The following SLC35F1 variants were observed in gnomAD, a reference collection of about 807,000 sequenced individuals.
The protein encoded by SLC35F1 is solute carrier family 35 member F1, also known as chromosome 6 open reading frame 169.
SLC35F1 carries 14 observed loss-of-function variants against 48.7 expected under a neutral mutation model. The ratio of observed to expected loss-of-function variants is 0.29; its 90% CI spans 0.19 to 0.45. The LOEUF is 0.45. Ranked by LOEUF, SLC35F1 falls within the 20% of genes least tolerant of loss-of-function variation. SLC35F1 has a pLI of 1.00. For missense variants in SLC35F1, 404 were observed against 500.0 expected (o/e 0.81, Z 1.83); for synonymous variants, 190 against 202.2 (o/e 0.94, Z 0.51).
chr6:118,302,092 C>T (rs1776259770), intron 7 of SLC35F1, among the ~76,000 whole-genome samples: 1 of 151,994 alleles, frequency 6.6e-6, no homozygotes, highest in Non-Finnish European at 1.5e-5. Flanking sequence ...TTCTTGGTGG[C>T]ATCTAACGCC....
intron 1 of SLC35F1, among the ~76,000 whole-genome samples, chr6:117,973,489 A>G (rs906904677): frequency 6.6e-6 from 1 of 152,184 alleles, no homozygotes; most frequent in Admixed American, 6.5e-5. Flanking sequence ...TGATGATGAT[A>G]TGCTTTCTGG....
chr6:117,957,001 C>T (rs994404938), intron 1 of SLC35F1, among the ~76,000 whole-genome samples: 1 of 152,124 alleles, frequency 6.6e-6, no homozygotes, highest in Non-Finnish European at 1.5e-5. Flanking sequence ...TCTAAGCCTG[C>T]GGTGATGACT....
At chr6:118,014,224 C>T (rs1777289948) in intron 1 of SLC35F1, among the ~76,000 whole-genome samples, 1 of 152,160 alleles carries the variant, frequency 6.6e-6, no homozygotes, top group African/African-American at 2.4e-5. Flanking sequence ...ACATAGTGAA[C>T]ACTTAGTACA....
rs1171538545 is a variant in SLC35F1 at position 118,275,596 on chromosome 6, T to G, written c.775T>G (p.Phe259Val). 4 of 1,613,184 alleles carry G rather than the reference T, an allele frequency of 2.5e-6. No homozygotes were observed. Among genetic ancestry groups the G allele is most frequent in the Non-Finnish European group, 3.4e-6 (4 of 1,179,426 alleles). ...FLGMIGLFGAFFSGIQLAIME... is the reference protein window; with the variant it reads ...FLGMIGLFGAVFSGIQLAIME... ...GGGAATGATTGGTCTCTTTGGAGCATTTTTCAGTGGAATTCAATTGTGAGT... is the reference window on the plus strand; with the variant it reads ...GGGAATGATTGGTCTCTTTGGAGCAGTTTTCAGTGGAATTCAATTGTGAGT... The change falls in exon 5 of 8, where the codon TTT becomes GTT. Residue 259 changes from phenylalanine (F) to valine (V), a missense_variant. By Grantham distance (50) the Phe-to-Val change is conservative. Coordinates refer to ENST00000360388, the MANE Select transcript of SLC35F1 (RefSeq NM_001029858.4).
chr6:118,042,936 A>C (rs1772247307), intron 1 of SLC35F1, among the ~76,000 whole-genome samples: 1 of 152,130 alleles, frequency 6.6e-6, no homozygotes, highest in Non-Finnish European at 1.5e-5. Flanking sequence ...AAGGAAAGAA[A>C]ATTAGTTCCA....
intron 7 of SLC35F1, among the ~76,000 whole-genome samples, chr6:118,303,482 A>C (rs1776277627): frequency 6.6e-6 from 1 of 152,214 alleles, no homozygotes; most frequent in African/African-American, 2.4e-5. Flanking sequence ...TGTCACTACA[A>C]GATCTGAGAC....
chr6:118,121,734 C>T (rs1045928392), intron 1 of SLC35F1, among the ~76,000 whole-genome samples: 6 of 152,152 alleles, frequency 3.9e-5, no homozygotes, highest in African/African-American at 1.4e-4. Context: ...GTATGGTCTC[C>T]CAAGTTCTTT....
At chr6:117,908,548 C>A (rs1357145021) in intron 1 of SLC35F1, among the ~76,000 whole-genome samples, 1 of 152,228 alleles carries the variant, frequency 6.6e-6, no homozygotes, top group African/African-American at 2.4e-5. Flanking sequence ...TGTGAGCCGG[C>A]GGCGCCCAGT....
intron 2 of SLC35F1, among the ~76,000 whole-genome samples, chr6:118,214,792 A>G (rs1775050665): frequency 6.6e-6 from 1 of 152,278 alleles, no homozygotes; most frequent in South Asian, 2.1e-4. Context: ...AGGAAGGTGA[A>G]GAATAGTAAG....
chr6:118,013,049 T>C (rs754169055), intron 1 of SLC35F1, among the ~76,000 whole-genome samples: 1 of 152,134 alleles, frequency 6.6e-6, no homozygotes, highest in Non-Finnish European at 1.5e-5. Flanking sequence ...ATTAATAGCA[T>C]CACTGGGAAA....
intron 2 of SLC35F1, among the ~76,000 whole-genome samples, chr6:118,222,470 C>A (rs553373295): frequency 6.6e-6 from 1 of 151,750 alleles, no homozygotes; most frequent in East Asian, 1.9e-4. Flanking sequence ...ATGCTAGTAA[C>A]TTGACCTTCA....
chr6:118,232,755 T>A (rs1475284315), intron 2 of SLC35F1, among the ~76,000 whole-genome samples: 1 of 151,966 alleles, frequency 6.6e-6, no homozygotes, highest in Non-Finnish European at 1.5e-5. Context: ...TTGGGCCAAA[T>A]GTTCAGGTCA....
intron 2 of SLC35F1, among the ~76,000 whole-genome samples, chr6:118,218,564 C>T (rs754350291): frequency 2.0e-5 from 3 of 152,140 alleles, no homozygotes; most frequent in African/African-American, 2.4e-5. Flanking sequence ...TTTTAGCTTA[C>T]GCCTGTTTCT....
intron 2 of SLC35F1, among the ~76,000 whole-genome samples, chr6:118,190,566 G>A (rs1423468003): frequency 6.6e-6 from 1 of 152,150 alleles, no homozygotes; most frequent in Non-Finnish European, 1.5e-5. Flanking sequence ...ATCATTCATA[G>A]GTTTGGTATC....
chr6:118,075,036 T>A (rs890312715), intron 1 of SLC35F1, among the ~76,000 whole-genome samples: 1 of 152,200 alleles, frequency 6.6e-6, no homozygotes, highest in African/African-American at 2.4e-5. Flanking sequence ...AATGCCTTTT[T>A]TATGCATCCC....
intron 2 of SLC35F1, among the ~76,000 whole-genome samples, chr6:118,169,412 T>G (rs191485634): frequency 1.9e-4 from 29 of 152,252 alleles, no homozygotes; most frequent in African/African-American, 6.3e-4. Flanking sequence ...ACTCAACAAA[T>G]GAACTTAAAG....
In SLC35F1 at chr6:118,053,843, C is replaced by T. The variant is rs185595172; in HGVS notation, c.174-100602C>T. ...ATTTTTAGGATGAATTTTATAATTACTGGGTCAAAGAGCAAGAACACTTTT... is the reference window on the plus strand; with the variant it reads ...ATTTTTAGGATGAATTTTATAATTATTGGGTCAAAGAGCAAGAACACTTTT... On this transcript the variant is annotated intron_variant, in intron 1 of 7. Coordinates refer to ENST00000360388, the MANE Select transcript of SLC35F1 (RefSeq NM_001029858.4). Among the ~76,000 whole-genome samples the T allele has an allele frequency of 2.3e-3, 357 of 152,106 alleles. 1 individual carries two copies. Among genetic ancestry groups the T allele is most frequent in the African/African-American group, 8.1e-3 (335 of 41,498 alleles).
chr6:118,075,087 C>A (rs1772798086), intron 1 of SLC35F1, among the ~76,000 whole-genome samples: 1 of 152,134 alleles, frequency 6.6e-6, no homozygotes, highest in Admixed American at 6.5e-5. Flanking sequence ...ATGATGAAGC[C>A]ATGTTCTGTT....
intron 5 of SLC35F1, among the ~76,000 whole-genome samples, chr6:118,276,498 A>T (rs896245561): frequency 6.6e-6 from 1 of 152,020 alleles, no homozygotes; most frequent in African/African-American, 2.4e-5. Flanking sequence ...TGTTTTCAAC[A>T]ATCCACCAAA....
Sources: allele counts gnomAD v4.1 joint callset (sites outside exome capture counted in the v4.1 genomes callset), GRCh38; gene constraint gnomAD v4.1.1; transcripts MANE v1.5; gene names NCBI Gene and HGNC (gene_info 2026-07-23, HGNC 2026-07-21).